The following SMC4 variants were observed in gnomAD, a reference collection of about 807,000 sequenced individuals.
SMC4 encodes the protein structural maintenance of chromosomes 4, also known as structural maintenance of chromosomes protein 4.
In SMC4, 87 loss-of-function variants were observed where a neutral mutation model predicts 145.6. The ratio of observed to expected loss-of-function variants is 0.60; its 90% CI spans 0.50 to 0.71. The LOEUF (loss-of-function observed/expected upper bound fraction) is 0.71. SMC4 is among the 30% of genes least tolerant of loss of function. SMC4 has a pLI of 0.00. For missense variants in SMC4, 1,447 were observed against 1,537.1 expected (o/e 0.94, Z 0.98); for synonymous variants, 558 against 500.7 (o/e 1.11, Z -1.53).
intron 5 of SMC4, among the ~76,000 whole-genome samples, chr3:160,410,010 A>C (rs1377652068): frequency 6.6e-6 from 1 of 152,184 alleles, no homozygotes; most frequent in Non-Finnish European, 1.5e-5. Context: ...TGAAAGGTCA[A>C]GGCTGCAGTG....
rs144226525 is a variant in SMC4, at chr3:160,404,303, C to T, written c.511-25C>T. 32 of 1,583,340 alleles carry T rather than the reference C, an allele frequency of 2.0e-5. No individual in the cohort carries two copies. In the African/African-American group the frequency reaches 2.6e-4, roughly 13 times the overall value. ...ATGACTTAATACCAACAATTGTTTT[C>T]TGGTTTTGTTTTTCCTCAAAACAGG... On this transcript the variant is annotated intron_variant, in intron 4 of 23. Coordinates refer to ENST00000357388, the MANE Select transcript of SMC4 (RefSeq NM_001002800.3).
intron 12 of SMC4, 179 bp from the exon 13 acceptor site, chr3:160,420,561 T>G (rs950378489): frequency 1.2e-5 from 6 of 498,500 alleles, no homozygotes; most frequent in Admixed American, 4.4e-5. Flanking sequence ...CATTAGAAAT[T>G]CAAGCTGCAT....
Position 160,401,903 on chromosome 3 carries a change from T to C in SMC4, c.140-12T>C. 1 of 1,573,422 alleles carries C rather than the reference T, an allele frequency of 6.4e-7. No individual in the cohort carries two copies. The highest frequency in any genetic ancestry group is 1.2e-5 in the South Asian group (1 of 82,548). On this transcript the variant is annotated splice_polypyrimidine_tract_variant and intron_variant, in intron 2 of 23. Transcript: ENST00000357388. ...CGTTTGCCTTCGTTTTCCTTTCCTT[T>C]CACTGACTTAGAGACTGCAAGTGAG...
chr3:160,430,992 A>G (rs776718698), intron 19 of SMC4, 40 bp from the exon 20 acceptor site: 1 of 1,561,732 alleles, frequency 6.4e-7, no homozygotes, highest in African/African-American at 1.4e-5. Context: ...TGATGGCTCT[A>G]TTTGGAAAAT....
chr3:160,432,851 G>A, intron 22 of SMC4, 175 bp from the exon 23 acceptor site: 1 of 589,372 alleles, frequency 1.7e-6, no homozygotes, highest in South Asian at 2.3e-5. Flanking sequence ...GTGCTCCTAT[G>A]TATGCATCCT....
Position 160,430,641 on chromosome 3 carries a change from A to G in SMC4, c.2838A>G (p.Lys946=), listed in dbSNP as rs1231653234. 1.2e-6 allele frequency: 2 copies of G among 1,613,524 alleles called. No homozygotes were observed. The highest frequency in any genetic ancestry group is 1.7e-6 in the Non-Finnish European group (2 of 1,179,818). Residue 946 remains lysine, a synonymous_variant, in exon 19 of 24, where the codon AAA becomes AAG. Coordinates refer to ENST00000357388, the MANE Select transcript of SMC4 (RefSeq NM_001002800.3). ...AAGACTCTGTCTTGCGTACAGAGAA[A>G]GAAATAAAAGATACTGAGAAAGAGG... The part of the protein sequence containing the change: ...KAQDSVLRTE[K]EIKDTEKEVD...
chr3:160,426,343 AGT>A, intron 17 of SMC4, 143 bp downstream of exon 17: 2 of 687,186 alleles, frequency 2.9e-6, no homozygotes, highest in Non-Finnish European at 5.0e-6. Context: ...TTATAAAGTA[AGT>A]GTTATTAATA....
At chr3:160,422,630 A>G (rs1389864345) in intron 13 of SMC4, among the ~76,000 whole-genome samples, 1 of 151,920 alleles carries the variant, frequency 6.6e-6, no homozygotes, top group African/African-American at 2.4e-5. Context: ...CTTGGATTGT[A>G]TTTTCACTTT....
rs1476859475 is a variant in SMC4 at position 160,425,092 on chromosome 3, C to T, written c.2478+73C>T. 6.1e-6 allele frequency: 9 copies of T among 1,472,170 alleles called. No homozygotes were observed. The East Asian group carries it at 2.0e-4, about 33-fold the overall frequency. The allele number at this position is 1,472,170 out of a possible 1,614,324, so 91.2% of individuals were successfully genotyped here. A position where few individuals can be genotyped will look rare whatever the true frequency, so the allele number is the denominator to read the frequency against. ...GGATTCAACTGGAATTTATCAGAACCATTTTGCTATTTGCTTACAATTTAT... is the reference window on the plus strand; with the variant it reads ...GGATTCAACTGGAATTTATCAGAACTATTTTGCTATTTGCTTACAATTTAT... On this transcript the variant is annotated intron_variant, in intron 16 of 23. Transcript: ENST00000357388.
intron 4 of SMC4, among the ~76,000 whole-genome samples, chr3:160,403,676 T>C (rs936801045): frequency 6.6e-6 from 1 of 152,138 alleles, no homozygotes; most frequent in African/African-American, 2.4e-5. Context: ...GAAATCAGAT[T>C]TTATTCCATT....
At chr3:160,417,009 G>A (rs1202716616) in intron 10 of SMC4, among the ~76,000 whole-genome samples, 2 of 152,098 alleles carry the variant, frequency 1.3e-5, no homozygotes, top group Non-Finnish European at 2.9e-5. Context: ...TTAATAAAAC[G>A]AGAGCATGAA....
chr3:160,420,044 T>C (rs1186820809), intron 12 of SMC4, among the ~76,000 whole-genome samples: 1 of 152,210 alleles, frequency 6.6e-6, no homozygotes. Context: ...AATCTAAAAA[T>C]CCAAGGCTAG....
At chr3:160,401,014 A>C (rs1714555919) in intron 2 of SMC4, 49 bp downstream of exon 2, 2 of 1,362,348 alleles carry the variant, frequency 1.5e-6, no homozygotes, top group African/African-American at 3.1e-5. Context: ...TGGGACTGGC[A>C]GGCAAACGCG....
chr3:160,420,674 T>C (rs1717066218), intron 12 of SMC4, 66 bp from the exon 13 acceptor site: 3 of 1,546,370 alleles, frequency 1.9e-6, no homozygotes, highest in East Asian at 2.3e-5. Flanking sequence ...TTTTTAAAAC[T>C]TGATGAATGA....
At chr3:160,426,464 T>C (rs1421710087) in intron 17 of SMC4, among the ~76,000 whole-genome samples, 1 of 152,240 alleles carries the variant, frequency 6.6e-6, no homozygotes, top group African/African-American at 2.4e-5. Flanking sequence ...TCATACTTTG[T>C]ATACTTTGGC....
rs1311742541 is a variant in SMC4 at position 160,420,908 on chromosome 3, A to G, written c.2019+7A>G. On this transcript the variant is annotated splice_region_variant and intron_variant, in intron 13 of 23. Transcript: ENST00000357388. ...CTTTATAGGTTTAGATAAGGTGGGT[A>G]TTCGTAATAACCTACCTATAATTGG... is the stretch of plus-strand genomic sequence containing the variant. 1.3e-6 allele frequency: 2 copies of G among 1,593,190 alleles called. No homozygotes were observed. The highest frequency in any genetic ancestry group is 2.2e-5 in the East Asian group (1 of 44,480).
chr3:160,403,610 T>C (rs1714963877), intron 4 of SMC4, among the ~76,000 whole-genome samples: 1 of 152,160 alleles, frequency 6.6e-6, no homozygotes, highest in Non-Finnish European at 1.5e-5. Flanking sequence ...TCTATTTTAA[T>C]TTGGTTTCTT....
At chr3:160,426,238 A>AG in intron 17 of SMC4, 38 bp downstream of exon 17, 1 of 1,517,416 alleles carries the variant, frequency 6.6e-7, no homozygotes, top group Non-Finnish European at 8.9e-7. Context: ...GGGGAAAAAA[A>AG]AAACAGGTTT....
chr3:160,433,333 C>T (rs1718623418), intron 23 of SMC4, 124 bp downstream of exon 23: 2 of 672,748 alleles, frequency 3.0e-6, no homozygotes, highest in African/African-American at 1.8e-5. Context: ...CCATCTCCAT[C>T]TCCTCTGGTA....
Sources: allele counts gnomAD v4.1 joint callset (sites outside exome capture counted in the v4.1 genomes callset), GRCh38; gene constraint gnomAD v4.1.1; transcripts MANE v1.5; gene names NCBI Gene and HGNC (gene_info 2026-07-23, HGNC 2026-07-21).